SYNE1: variants seen among roughly 807,000 people sequenced by gnomAD.
SYNE1 encodes nesprin-1.
SYNE1 carries 616 observed loss-of-function variants against 1,111.0 expected under a neutral mutation model. The observed-to-expected ratio is 0.55, with a 90% CI of 0.52 to 0.59. SYNE1 has a LOEUF of 0.59. Ranked by LOEUF, SYNE1 falls within the 20% of genes least tolerant of loss-of-function variation. The pLI is 0.00. For synonymous variants in SYNE1, 3,855 were observed against 3,825.8 expected, an observed-to-expected ratio of 1.01 and a Z score of -0.28; for missense variants, 10,006 against 10,417.0, an observed-to-expected ratio of 0.96 and a Z score of 1.72.
rs1006790642 is a variant in SYNE1, at chr6:152,400,580, T to C, written c.7029+558A>G. The stretch of plus-strand genomic sequence containing the variant: ...GGGGAGACTGTGGTAGAAGAATCAC[T>C]TCAACCTGGGAGGGGAGGTTGCAGT... On this transcript the variant is annotated intron_variant, in intron 47 of 145. Transcript: ENST00000367255. Among the ~76,000 whole-genome samples, 16 of 152,086 alleles carry C rather than the reference T, an allele frequency of 1.1e-4. 2 individuals are homozygous for C. The highest frequency in any genetic ancestry group is 9.8e-4 in the Admixed American group (15 of 15,270).
In SYNE1 at chr6:152,133,291, C is replaced by T; in HGVS notation, c.25986G>A (p.Val8662=). 1 of 1,614,164 alleles carries T rather than the reference C, an allele frequency of 6.2e-7. No individual in the cohort carries two copies. The highest frequency in any genetic ancestry group is 1.6e-4 in the Middle Eastern group (1 of 6,062). ...HIKELEKLLD[V]SSSQQDLSSW... ...TATTGCTTACCTGCTGACTACTTGA[C>T]ACGTCTAATAACTTCTCCAGTTCCT... Residue 8662 remains valine, a synonymous_variant, in exon 143 of 146, where the codon GTG becomes GTA. Transcript: ENST00000367255.
chr6:152,241,527 T>TGTGTGTGA (rs59737931), intron 107 of SYNE1, among the ~76,000 whole-genome samples: 17,033 of 144,998 alleles, frequency 0.12, 1,258 homozygotes, highest in East Asian at 0.27. Context: ...TGTGTGTGTG[T>TGTGTGTGA]GTGAAATACG....
At chr6:152,143,529 G>C in intron 138 of SYNE1, 94 bp downstream of exon 138, 1 of 1,566,586 alleles carries the variant, frequency 6.4e-7, no homozygotes, top group South Asian at 1.1e-5. Context: ...GGTATTCAGA[G>C]ACCACATAAA....
chr6:152,140,711 T>C (rs2152805040), intron 139 of SYNE1, among the ~76,000 whole-genome samples: 1 of 152,228 alleles, frequency 6.6e-6, no homozygotes, highest in East Asian at 1.9e-4. Flanking sequence ...AACACTACCA[T>C]GATGGCATGC....
intron 5 of SYNE1, among the ~76,000 whole-genome samples, chr6:152,522,532 G>A (rs2099144795): frequency 6.6e-6 from 1 of 152,026 alleles, no homozygotes; most frequent in African/African-American, 2.4e-5. Flanking sequence ...CGTGTGAGGT[G>A]TCTTTGAAAT....
rs2097215405 is a variant in SYNE1 at position 152,373,025 on chromosome 6, G to A, written c.9507+12C>T. ...TAACACAGAATGCTTCCATGTGGTT[G>A]GCTATATATACCTCTAGAGCAGATT... On this transcript the variant is annotated intron_variant, in intron 59 of 145. Transcript: ENST00000367255. 6.2e-7 allele frequency: 1 copy of A among 1,611,470 alleles called. No individual in the cohort carries two copies. The highest frequency in any genetic ancestry group is 1.3e-5 in the African/African-American group (1 of 74,858).
At chr6:152,212,089 C>T (rs57595115) in intron 123 of SYNE1, among the ~76,000 whole-genome samples, 3,306 of 152,040 alleles carry the variant, frequency 0.022, 131 homozygotes, top group African/African-American at 0.075. Flanking sequence ...GAAGGTCCTT[C>T]GAATTATTTC....
intron 101 of SYNE1, among the ~76,000 whole-genome samples, chr6:152,260,376 A>T (rs1294616242): frequency 1.3e-5 from 2 of 152,182 alleles, no homozygotes; most frequent in Non-Finnish European, 2.9e-5. Flanking sequence ...ATGAATTAAA[A>T]TACAGGGAGG....
chr6:152,396,625 C>A, intron 50 of SYNE1, 150 bp downstream of exon 50: 1 of 798,748 alleles, frequency 1.3e-6, no homozygotes, highest in Non-Finnish European at 2.0e-6. Context: ...TGATTATTGC[C>A]CTAGTATCAC....
Position 152,502,655 on chromosome 6 carries a change from C to A in SYNE1, c.866G>T (p.Ser289Ile), listed in dbSNP as rs139190745. 6.2e-7 allele frequency: 1 copy of A among 1,613,556 alleles called. No individual in the cohort carries two copies. The highest frequency in any genetic ancestry group is 1.3e-5 in the African/African-American group (1 of 75,026). Residue 289 changes from serine (S) to isoleucine (I), a missense_variant, in exon 10 of 146, where the codon AGC becomes ATC. This residue lies in a region of SYNE1 where 1,971 missense variants were observed against 2,084.1 expected (regional missense o/e 0.95). Transcript: ENST00000367255. The stretch of plus-strand genomic sequence containing the variant: ...TACATCATCCTCTTGCCCATCAGTG[C>A]TTGCATTGTGGATGTCAGGATAATG... The part of the protein sequence containing the change: ...LKHYPDIHNA[S>I]TDGQEDDEIL...
Position 152,133,356 on chromosome 6 carries a change from G to A in SYNE1, c.25921C>T (p.Arg8641Trp), listed in dbSNP as rs762289784. ...ACCTCCTTCAAGAGAAGTTTGAGCC[G>A]ATTTCCAATAACATGGACTTTTTCT... ...AKEKVHVIGNRLKLLLKEVSR... is the reference protein window; with the variant it reads ...AKEKVHVIGNWLKLLLKEVSR... The change falls in exon 143 of 146, where the codon CGG becomes TGG. Residue 8641 changes from arginine (R) to tryptophan (W), a missense_variant. Physicochemically the swap from Arg to Trp is moderately radical, Grantham distance 101. Coordinates refer to ENST00000367255, the MANE Select transcript of SYNE1 (RefSeq NM_182961.4). 21 of 1,613,970 alleles carry A rather than the reference G, an allele frequency of 1.3e-5. No homozygotes were observed. The highest frequency in any genetic ancestry group is 3.3e-5 in the Admixed American group (2 of 60,002).
intron 120 of SYNE1, 121 bp downstream of exon 120, chr6:152,218,882 G>T: frequency 9.5e-7 from 1 of 1,050,482 alleles, no homozygotes. Flanking sequence ...TTGTTTACTT[G>T]CTATTTTCTT....
In SYNE1 at chr6:152,218,328, T is replaced by C. The variant is rs886043071; in HGVS notation, c.22120A>G (p.Ile7374Val). The change falls in exon 121 of 146, where the codon ATA becomes GTA. Residue 7374 changes from isoleucine (I) to valine (V), a missense_variant. Around this residue, in one of 7 missense-constraint regions of SYNE1, gnomAD observed 2,182 missense variants for 2,287.8 expected, o/e 0.95. Coordinates refer to ENST00000367255, the MANE Select transcript of SYNE1 (RefSeq NM_182961.4). Reference sequence around the variant, plus strand: ...TGGCTAGGGTCCTGCCCTTGTAGTATTTCTTCAGCTTCCACTATCCAGGCC... The same window carrying C: ...TGGCTAGGGTCCTGCCCTTGTAGTACTTCTTCAGCTTCCACTATCCAGGCC... ...LEAWIVEAEE[I>V]LQGQDPSHSS... The C allele has an allele frequency of 1.9e-6, 3 of 1,614,128 alleles. No homozygotes were observed. The highest frequency in any genetic ancestry group is 1.6e-4 in the Middle Eastern group (1 of 6,062).
At chr6:152,283,831 G>T (rs567964099) in intron 96 of SYNE1, 147 bp downstream of exon 96, 79 of 751,030 alleles carry the variant, frequency 1.1e-4, no homozygotes, top group Non-Finnish European at 1.6e-4. Context: ...CACCCCTCCC[G>T]GCCGTGGAGA....
intron 32 of SYNE1, among the ~76,000 whole-genome samples, chr6:152,436,611 T>A (rs994141129): frequency 4.6e-5 from 7 of 152,146 alleles, no homozygotes; most frequent in Admixed American, 2.0e-4. Flanking sequence ...AACTTTTTAA[T>A]TTTCTATACA....
At chr6:152,532,482 T>TA (rs2099208503) in intron 4 of SYNE1, among the ~76,000 whole-genome samples, 1 of 152,186 alleles carries the variant, frequency 6.6e-6, no homozygotes, top group African/African-American at 2.4e-5. Flanking sequence ...GTGATACCAA[T>TA]AAAACTGAAC....
At chr6:152,340,005 T>G (rs1413309796) in intron 74 of SYNE1, among the ~76,000 whole-genome samples, 1 of 151,904 alleles carries the variant, frequency 6.6e-6, no homozygotes, top group African/African-American at 2.4e-5. Flanking sequence ...TCCCAGGGAG[T>G]TGACATTCTT....
chr6:152,606,973 G>GTTTTTTTTTTTTT (rs2099616874), intron 3 of SYNE1, among the ~76,000 whole-genome samples: 1 of 126,344 alleles, frequency 7.9e-6, no homozygotes, highest in African/African-American at 3.2e-5. Context: ...GCATGCCTCG[G>GTTTTTTTTTTTTT]TTCTCTTTTT....
At chr6:152,351,823 C>T (rs1434928930) in intron 70 of SYNE1, among the ~76,000 whole-genome samples, 3 of 152,174 alleles carry the variant, frequency 2.0e-5, no homozygotes, top group African/African-American at 7.2e-5. Flanking sequence ...AGTATCAGAT[C>T]TCTGAATGCA....
Sources: allele counts gnomAD v4.1 joint callset (sites outside exome capture counted in the v4.1 genomes callset), GRCh38; gene constraint gnomAD v4.1.1; regional missense constraint gnomAD v4.1.1; transcripts MANE v1.5; gene names NCBI Gene and HGNC (gene_info 2026-07-23, HGNC 2026-07-21).